Variants in CNTNAP2 observed in about 807,000 individuals in gnomAD.
CNTNAP2 encodes contactin-associated protein-like 2.
In CNTNAP2, 98 loss-of-function variants were observed where a neutral mutation model predicts 155.2. The observed-to-expected ratio is 0.63, with a 90% CI of 0.54 to 0.75. CNTNAP2 has a LOEUF of 0.75. Ranked by LOEUF, CNTNAP2 falls within the 30% of genes least tolerant of loss-of-function variation. The pLI, the probability that CNTNAP2 is intolerant of heterozygous loss-of-function variation, is 0.00. For synonymous variants in CNTNAP2, 651 were observed against 631.2 expected (o/e 1.03, Z -0.47); for missense variants, 1,727 against 1,688.1 (o/e 1.02, Z -0.40).
intron 12 of CNTNAP2, among the ~76,000 whole-genome samples, chr7:147,637,528 C>A (rs1057135954): frequency 2.0e-5 from 3 of 152,078 alleles, no homozygotes; most frequent in East Asian, 1.9e-4. Context: ...CTCTCTCTTG[C>A]GCTCTGTCTC....
chr7:148,222,597 GAGT>G (rs1389697453), intron 19 of CNTNAP2, among the ~76,000 whole-genome samples: 4 of 68,320 alleles, frequency 5.9e-5, no homozygotes, highest in African/African-American at 2.1e-4. Flanking sequence ...CATGAGGACA[GAGT>G]CCTCATGATC....
chr7:146,902,980 G>A (rs1796034464), intron 3 of CNTNAP2, among the ~76,000 whole-genome samples: 1 of 152,204 alleles, frequency 6.6e-6, no homozygotes, highest in South Asian at 2.1e-4. Context: ...AGTAGAGCAT[G>A]CAGACTGCCT....
chr7:147,842,410 T>A (rs906233026), intron 13 of CNTNAP2, among the ~76,000 whole-genome samples: 31 of 152,212 alleles, frequency 2.0e-4, no homozygotes, highest in African/African-American at 7.0e-4. Context: ...TCTATGTTAA[T>A]AATATAATTT....
At chr7:147,222,907 G>A (rs888181094) in intron 8 of CNTNAP2, among the ~76,000 whole-genome samples, 12 of 149,858 alleles carry the variant, frequency 8.0e-5, no homozygotes, top group African/African-American at 3.0e-4. Context: ...GGAAAGTTGG[G>A]TTATGATAGA....
At chr7:147,448,340 A>T (rs1367117297) in intron 10 of CNTNAP2, among the ~76,000 whole-genome samples, 1 of 152,072 alleles carries the variant, frequency 6.6e-6, no homozygotes, top group South Asian at 2.1e-4. Flanking sequence ...AGAGATTTTT[A>T]AAATGTTAGC....
At chr7:146,381,317 T>C (rs1795385974) in intron 1 of CNTNAP2, among the ~76,000 whole-genome samples, 2 of 152,206 alleles carry the variant, frequency 1.3e-5, no homozygotes, top group South Asian at 2.1e-4. Flanking sequence ...AAGGATCTTA[T>C]TGAAGAATTG....
At chr7:147,919,954 C>G (rs1348493177) in intron 14 of CNTNAP2, among the ~76,000 whole-genome samples, 2 of 151,978 alleles carry the variant, frequency 1.3e-5, no homozygotes, top group Admixed American at 6.5e-5. Context: ...AATTAAGTTT[C>G]CTTCCTACGG....
chr7:147,636,337 C>G (rs1416093900), intron 12 of CNTNAP2, among the ~76,000 whole-genome samples: 2 of 152,166 alleles, frequency 1.3e-5, no homozygotes, highest in African/African-American at 4.8e-5. Flanking sequence ...TAGAGTCTCA[C>G]AGGATAGTCC....
chr7:146,659,940 T>G (rs1800058811), intron 1 of CNTNAP2, among the ~76,000 whole-genome samples: 1 of 152,158 alleles, frequency 6.6e-6, no homozygotes, highest in East Asian at 1.9e-4. Context: ...GCTTTACAAG[T>G]GAGGGCCAGG....
At chr7:147,774,955 G>A (rs943895401) in intron 13 of CNTNAP2, among the ~76,000 whole-genome samples, 2 of 151,710 alleles carry the variant, frequency 1.3e-5, no homozygotes, top group African/African-American at 2.4e-5. Context: ...CATTAACCAC[G>A]TGGCAGTTCA....
At chr7:146,159,572 A>G (rs889893572) in intron 1 of CNTNAP2, among the ~76,000 whole-genome samples, 2 of 152,136 alleles carry the variant, frequency 1.3e-5, no homozygotes, top group Non-Finnish European at 2.9e-5. Context: ...GAAAACAAAA[A>G]AAAGCAGGGG....
At chr7:146,576,183 C>T (rs1203371945) in intron 1 of CNTNAP2, among the ~76,000 whole-genome samples, 1 of 152,148 alleles carries the variant, frequency 6.6e-6, no homozygotes, top group Non-Finnish European at 1.5e-5. Flanking sequence ...CATGTGACTC[C>T]CATGTGATAC....
intron 13 of CNTNAP2, among the ~76,000 whole-genome samples, chr7:147,780,803 G>A (rs1313477354): frequency 1.3e-5 from 2 of 152,198 alleles, no homozygotes; most frequent in Non-Finnish European, 2.9e-5. Flanking sequence ...CTAGTAATAA[G>A]GCTTCAGGTA....
chr7:146,551,133 G>A (rs1237995657), intron 1 of CNTNAP2, among the ~76,000 whole-genome samples: 4 of 152,210 alleles, frequency 2.6e-5, no homozygotes, highest in African/African-American at 7.2e-5. Context: ...AGAGAAGCTG[G>A]TATAAGGAAA....
chr7:147,137,461 A>G (rs1181711572), intron 8 of CNTNAP2, among the ~76,000 whole-genome samples: 2 of 151,746 alleles, frequency 1.3e-5, no homozygotes, highest in South Asian at 2.1e-4. Context: ...TTTCTCCAAT[A>G]AACATCAATT....
At chr7:148,181,399 A>C (rs1233701628) in intron 18 of CNTNAP2, among the ~76,000 whole-genome samples, 1 of 152,242 alleles carries the variant, frequency 6.6e-6, no homozygotes, top group Non-Finnish European at 1.5e-5. Context: ...TTTATGGATG[A>C]AAATCCATAA....
intron 2 of CNTNAP2, among the ~76,000 whole-genome samples, chr7:146,825,839 A>C (rs139369327): frequency 4.6e-5 from 7 of 152,262 alleles, no homozygotes; most frequent in African/African-American, 1.7e-4. Context: ...GATCACTGGC[A>C]ATTTTGCATC....
At chr7:146,817,070 C>A (rs1430762061) in intron 2 of CNTNAP2, among the ~76,000 whole-genome samples, 2 of 152,094 alleles carry the variant, frequency 1.3e-5, no homozygotes, top group East Asian at 3.9e-4. Context: ...TGATGGACGA[C>A]CAGGATAACA....
At chr7:147,945,868 C>CTTT (rs34305612) in intron 14 of CNTNAP2, among the ~76,000 whole-genome samples, 43 of 123,362 alleles carry the variant, frequency 3.5e-4, no homozygotes, top group Non-Finnish European at 4.3e-4. Context: ...TTTTCTTTTT[C>CTTT]TTTTTTTTTT....
Sources: gnomAD v4.1 joint callset for allele counts (sites outside exome capture counted in the v4.1 genomes callset) on GRCh38, gnomAD v4.1.1 for gene constraint, MANE v1.5 for transcripts, NCBI Gene and HGNC (gene_info 2026-07-23, HGNC 2026-07-21) for gene names.